The following RBFOX1 variants were observed in gnomAD, a reference collection of about 807,000 sequenced individuals.
The protein encoded by RBFOX1 is RNA binding protein fox-1 homolog 1.
In RBFOX1, 8 loss-of-function variants were observed where a neutral mutation model predicts 57.7. The observed-to-expected ratio is 0.14, with a 90% CI of 0.08 to 0.25. RBFOX1 has a LOEUF of 0.25. RBFOX1 is among the 10% of genes least tolerant of loss of function. The probability of loss-of-function intolerance (pLI) is 1.00; values close to 1 mark genes in which losing one functional copy is unlikely to be tolerated. For missense variants in RBFOX1, 611 were observed against 548.5 expected (o/e 1.11, Z -1.14); for synonymous variants, 326 against 222.4 (o/e 1.47, Z -4.15).
intron 3 of RBFOX1, among the ~76,000 whole-genome samples, chr16:6,774,956 C>G (rs1000061115): frequency 1.3e-5 from 2 of 151,976 alleles, no homozygotes; most frequent in Admixed American, 6.5e-5. Flanking sequence ...AGGCCCTAAT[C>G]TCATCTCCTC....
chr16:6,560,231 G>T (rs1174483559), intron 2 of RBFOX1, among the ~76,000 whole-genome samples: 2 of 150,908 alleles, frequency 1.3e-5, no homozygotes, highest in Admixed American at 1.3e-4. Flanking sequence ...TAGTTGGGGG[G>T]AAAAACAATG....
chr16:6,868,057 T>G (rs1425481867), intron 3 of RBFOX1, among the ~76,000 whole-genome samples: 2 of 152,204 alleles, frequency 1.3e-5, no homozygotes, highest in African/African-American at 2.4e-5. Context: ...ATTATAGTAA[T>G]GTTTTTGCCG....
intron 4 of RBFOX1, among the ~76,000 whole-genome samples, chr16:7,178,611 A>G (rs1295142512): frequency 6.6e-6 from 1 of 152,226 alleles, no homozygotes; most frequent in African/African-American, 2.4e-5. Context: ...AGTTATCTAC[A>G]TAAGTGAAAT....
intron 4 of RBFOX1, among the ~76,000 whole-genome samples, chr16:7,345,378 T>C (rs2096977759): frequency 6.6e-6 from 1 of 152,180 alleles, no homozygotes; most frequent in East Asian, 1.9e-4. Flanking sequence ...CCGATGACCA[T>C]CTTAATAAGG....
intron 3 of RBFOX1, among the ~76,000 whole-genome samples, chr16:6,902,839 T>G (rs1295542264): frequency 6.6e-6 from 1 of 152,206 alleles, no homozygotes; most frequent in Admixed American, 6.5e-5. Context: ...CTGTTTTCCA[T>G]CTGTTCATTT....
chr16:5,798,561 T>C (rs903688721), intron 3 of RBFOX1, among the ~76,000 whole-genome samples: 1 of 152,184 alleles, frequency 6.6e-6, no homozygotes, highest in African/African-American at 2.4e-5. Flanking sequence ...GCAGAGGGCA[T>C]CTGCGCTAAA....
intron 2 of RBFOX1, among the ~76,000 whole-genome samples, chr16:6,623,411 G>A (rs895248425): frequency 6.6e-6 from 1 of 151,208 alleles, no homozygotes; most frequent in Non-Finnish European, 1.5e-5. Context: ...CCCTGGTACT[G>A]AGTCCATGCT....
intron 4 of RBFOX1, among the ~76,000 whole-genome samples, chr16:7,294,702 G>A (rs1025463926): frequency 5.9e-5 from 9 of 152,074 alleles, no homozygotes; most frequent in African/African-American, 1.9e-4. Context: ...AAGAAAGCTT[G>A]AAGATAAAAT....
chr16:5,442,925 AT>A (rs2068128006), intron 1 of RBFOX1, among the ~76,000 whole-genome samples: 1 of 152,146 alleles, frequency 6.6e-6, no homozygotes, highest in Non-Finnish European at 1.5e-5. Context: ...CCAGTGTCTA[AT>A]GTCCTTGTAA....
intron 4 of RBFOX1, among the ~76,000 whole-genome samples, chr16:5,898,759 A>G (rs1233210364): frequency 6.6e-6 from 1 of 151,970 alleles, no homozygotes; most frequent in African/African-American, 2.4e-5. Context: ...TCATTAATTC[A>G]TATAAAAAAA....
chr16:6,094,307 T>C (rs1054260245), intron 1 of RBFOX1, among the ~76,000 whole-genome samples: 3 of 152,154 alleles, frequency 2.0e-5, no homozygotes, highest in Non-Finnish European at 4.4e-5. Flanking sequence ...GGGAAATGAT[T>C]TTGAGAAGAG....
chr16:5,503,746 G>A (rs183622623), intron 2 of RBFOX1, among the ~76,000 whole-genome samples: 8 of 152,230 alleles, frequency 5.3e-5, no homozygotes, highest in Non-Finnish European at 8.8e-5. Flanking sequence ...ACCTGGCCAA[G>A]ACAATGGTTT....
At chr16:6,827,469 A>T (rs1454651896) in intron 3 of RBFOX1, among the ~76,000 whole-genome samples, 1 of 152,070 alleles carries the variant, frequency 6.6e-6, no homozygotes, top group Non-Finnish European at 1.5e-5. Context: ...ACAGCTGGTG[A>T]CTTCCTGAGG....
At chr16:5,515,216 T>C (rs900331311) in intron 2 of RBFOX1, among the ~76,000 whole-genome samples, 1 of 152,242 alleles carries the variant, frequency 6.6e-6, no homozygotes, top group African/African-American at 2.4e-5. Context: ...ATCCAGATTG[T>C]ATCAGGTGGC....
At chr16:7,346,808 C>A (rs146251447) in intron 4 of RBFOX1, among the ~76,000 whole-genome samples, 32 of 152,230 alleles carry the variant, frequency 2.1e-4, no homozygotes, top group African/African-American at 7.7e-4. Flanking sequence ...CTCCACCATT[C>A]TGAATCTCAA....
At chr16:6,889,139 C>G (rs1349461183) in intron 3 of RBFOX1, among the ~76,000 whole-genome samples, 1 of 152,326 alleles carries the variant, frequency 6.6e-6, no homozygotes, top group Non-Finnish European at 1.5e-5. Context: ...AATCTCCAAT[C>G]TATTACTGTA....
chr16:6,366,807 G>C (rs2089695264), intron 2 of RBFOX1, among the ~76,000 whole-genome samples: 1 of 152,182 alleles, frequency 6.6e-6, no homozygotes, highest in South Asian at 2.1e-4. Flanking sequence ...TTAGGCACCA[G>C]TGTCTTTTGG....
intron 2 of RBFOX1, among the ~76,000 whole-genome samples, chr16:5,528,243 G>A (rs1243648653): frequency 1.3e-5 from 2 of 152,140 alleles, no homozygotes; most frequent in African/African-American, 4.8e-5. Flanking sequence ...GCCCAGTGCT[G>A]AAGCTACGGT....
chr16:5,401,885 C>G (rs2066727530), intron 1 of RBFOX1, among the ~76,000 whole-genome samples: 2 of 152,062 alleles, frequency 1.3e-5, no homozygotes, highest in East Asian at 1.9e-4. Context: ...ATTTCTGTCT[C>G]TGTCTCTCTT....
Sources: gnomAD v4.1 joint callset for allele counts (sites outside exome capture counted in the v4.1 genomes callset) on GRCh38, gnomAD v4.1.1 for gene constraint, MANE v1.5 for transcripts, NCBI Gene and HGNC (gene_info 2026-07-23, HGNC 2026-07-21) for gene names.